SFMBT2: variants seen among roughly 807,000 people sequenced by gnomAD.
SFMBT2 encodes Scm like with four mbt domains 2, also known as scm-like with four MBT domains protein 2.
Under a neutral mutation model 110.1 loss-of-function variants are expected in SFMBT2, and 38 were observed. The ratio of observed to expected loss-of-function variants is 0.35; its 90% CI spans 0.27 to 0.45. The LOEUF is 0.45. Ranked by LOEUF, SFMBT2 falls within the 20% of genes least tolerant of loss-of-function variation. The pLI is 1.00. For synonymous variants in SFMBT2, 425 were observed against 425.4 expected, an observed-to-expected ratio of 1.00 and a Z score of 0.01; for missense variants, 1,011 against 1,094.9, an observed-to-expected ratio of 0.92 and a Z score of 1.08.
chr10:7,362,699 G>T (rs533513788), intron 4 of SFMBT2, among the ~76,000 whole-genome samples: 220 of 152,364 alleles, frequency 1.4e-3, no homozygotes, highest in Middle Eastern at 0.01. Flanking sequence ...TCAGCTAAGG[G>T]CTAAAAACTC....
At chr10:7,221,500 A>G (rs1046741145) in intron 10 of SFMBT2, among the ~76,000 whole-genome samples, 4 of 150,946 alleles carry the variant, frequency 2.6e-5, no homozygotes, top group African/African-American at 9.7e-5. Flanking sequence ...TGGGAGGCAG[A>G]GGTTGCAGTG....
intron 1 of SFMBT2, among the ~76,000 whole-genome samples, chr10:7,384,291 G>A (rs547244949): frequency 6.2e-5 from 9 of 145,942 alleles, no homozygotes; most frequent in Non-Finnish European, 8.9e-5. Context: ...TGGACATGAC[G>A]TGCTCACTGT....
At chr10:7,297,871 A>G (rs527981293) in intron 4 of SFMBT2, among the ~76,000 whole-genome samples, 1 of 152,288 alleles carries the variant, frequency 6.6e-6, no homozygotes, top group South Asian at 2.1e-4. Flanking sequence ...ATACCTGAGG[A>G]TAGTATCTGC....
Position 7,328,237 on chromosome 10 carries a change from T to G in SFMBT2, c.436+39412A>C, listed in dbSNP as rs140687279. On this transcript the variant is annotated intron_variant, in intron 4 of 20. Coordinates refer to ENST00000397167, the MANE Select transcript of SFMBT2 (RefSeq NM_001387889.1). Reference sequence around the variant, plus strand: ...CTAATGCAAATAATACCGACATCTTTGCATCTGCTTATTTGCCATCTGTAT... The same window carrying G: ...CTAATGCAAATAATACCGACATCTTGGCATCTGCTTATTTGCCATCTGTAT... Among the ~76,000 whole-genome samples, 239 of 152,388 alleles carry G rather than the reference T, an allele frequency of 1.6e-3. 2 individuals carry two copies. The highest frequency in any genetic ancestry group is 2.8e-3 in the Non-Finnish European group (193 of 68,036).
rs370721560 is a variant in SFMBT2 at position 7,408,544 on chromosome 10, G to A, written c.-52+2317C>T. Among the ~76,000 whole-genome samples, 2 of 152,206 alleles carry A rather than the reference G, an allele frequency of 1.3e-5. No homozygotes were observed. Among genetic ancestry groups the A allele is most frequent in the South Asian group, 2.1e-4 (1 of 4,836 alleles). ...AGATCAGGTTCGCGGGCCCGGAGGA[G>A]GTCCTCCCACCTGCCCCCGCCAGCC... On this transcript the variant is annotated intron_variant, in intron 1 of 20. Coordinates refer to ENST00000397167, the MANE Select transcript of SFMBT2 (RefSeq NM_001387889.1). This position sits in a 1 kb window ranked among gnomAD's most constrained non-coding sequence, Gnocchi z 5.7.
chr10:7,259,188 G>C (rs1841122363), intron 7 of SFMBT2, among the ~76,000 whole-genome samples: 1 of 152,200 alleles, frequency 6.6e-6, no homozygotes, highest in Non-Finnish European at 1.5e-5. Flanking sequence ...TCTCCACCCA[G>C]CAGTCTGAGC....
Position 7,197,534 on chromosome 10 carries a change from T to C in SFMBT2, c.1698+14A>G. On this transcript the variant is annotated intron_variant, in intron 15 of 20. Coordinates refer to ENST00000397167, the MANE Select transcript of SFMBT2 (RefSeq NM_001387889.1). ...CTGTTAAAATAAGCCAAGGTGATTG[T>C]GCACGGGCTTTACCTCTTTAAGAAC... 6.2e-7 allele frequency: 1 copy of C among 1,612,786 alleles called. No homozygotes were observed. Among genetic ancestry groups the C allele is most frequent in the Non-Finnish European group, 8.5e-7 (1 of 1,179,122 alleles).
At chr10:7,233,087 G>A (rs1023064178) in intron 9 of SFMBT2, among the ~76,000 whole-genome samples, 2 of 151,944 alleles carry the variant, frequency 1.3e-5, no homozygotes, top group Non-Finnish European at 2.9e-5. Flanking sequence ...TTCTATCCTG[G>A]GTGGCTACGA....
chr10:7,198,984 T>G (rs1838865943), intron 14 of SFMBT2, among the ~76,000 whole-genome samples: 1 of 152,126 alleles, frequency 6.6e-6, no homozygotes, highest in Non-Finnish European at 1.5e-5. Flanking sequence ...GTTTTTTGTT[T>G]TGTTTTGTTT....
At chr10:7,328,858 C>T (rs1843473835) in intron 4 of SFMBT2, among the ~76,000 whole-genome samples, 1 of 152,212 alleles carries the variant, frequency 6.6e-6, no homozygotes, top group South Asian at 2.1e-4. Flanking sequence ...CTTAAACTTG[C>T]AGCCTCTCAA....
intron 1 of SFMBT2, among the ~76,000 whole-genome samples, chr10:7,394,366 C>T (rs924394680): frequency 3.3e-5 from 5 of 151,826 alleles, no homozygotes; most frequent in East Asian, 1.9e-4. Context: ...CCTTCTCCCG[C>T]GTCCCCATCT....
intron 4 of SFMBT2, among the ~76,000 whole-genome samples, chr10:7,365,282 C>CT: frequency 6.6e-6 from 1 of 152,346 alleles, no homozygotes; most frequent in Admixed American, 6.5e-5. Flanking sequence ...GCACACAGCA[C>CT]TACTGGCAGC....
At chr10:7,249,022 G>C in intron 7 of SFMBT2, 6 of 712,814 alleles carry the variant, frequency 8.4e-6, no homozygotes, top group Non-Finnish European at 8.6e-6. Context: ...CTTGCTACTG[G>C]AGTCACATCT....
At chr10:7,175,777 C>T (rs184634357) in intron 17 of SFMBT2, among the ~76,000 whole-genome samples, 2 of 152,306 alleles carry the variant, frequency 1.3e-5, no homozygotes, top group Non-Finnish European at 2.9e-5. Context: ...AAAATTCATC[C>T]TGTTTTAAAT....
chr10:7,283,490 A>AT (rs1205245321), intron 6 of SFMBT2, among the ~76,000 whole-genome samples: 1 of 152,170 alleles, frequency 6.6e-6, no homozygotes, highest in African/African-American at 2.4e-5. Context: ...AAATGGATAG[A>AT]TGGGTGGATG....
intron 4 of SFMBT2, among the ~76,000 whole-genome samples, chr10:7,302,125 C>T (rs1020626041): frequency 6.6e-6 from 1 of 152,188 alleles, no homozygotes; most frequent in Non-Finnish European, 1.5e-5. Context: ...TTCCTTTCTC[C>T]ACTTGCGGAA....
intron 8 of SFMBT2, among the ~76,000 whole-genome samples, chr10:7,245,587 C>T (rs1002641403): frequency 6.6e-5 from 10 of 152,352 alleles, no homozygotes; most frequent in African/African-American, 2.2e-4. Flanking sequence ...ATGCCCAGAG[C>T]AGTTAACTGA....
At chr10:7,183,599 C>T (rs548532712) in intron 16 of SFMBT2, among the ~76,000 whole-genome samples, 1 of 152,248 alleles carries the variant, frequency 6.6e-6, no homozygotes, top group East Asian at 1.9e-4. Flanking sequence ...CCATAAATTC[C>T]CTCTTTGGGG....
chr10:7,249,280 G>T, intron 7 of SFMBT2: 1 of 173,344 alleles, frequency 5.8e-6, no homozygotes, highest in Admixed American at 6.5e-5. Context: ...TAGGGGTCTG[G>T]CAGTTTTATA....
Sources: allele counts gnomAD v4.1 joint callset (sites outside exome capture counted in the v4.1 genomes callset), GRCh38; gene constraint gnomAD v4.1.1; non-coding constraint Gnocchi (gnomAD v3.1); transcripts MANE v1.5; gene names NCBI Gene and HGNC (gene_info 2026-07-23, HGNC 2026-07-21).